The following USP40 variants were observed in gnomAD, a reference collection of about 807,000 sequenced individuals.
USP40 encodes ubiquitin specific peptidase 40, also known as ubiquitin carboxyl-terminal hydrolase 40.
A neutral mutation model predicts 166.2 loss-of-function variants in USP40; 143 were observed. The ratio of observed to expected loss-of-function variants is 0.86; its 90% confidence interval spans 0.75 to 0.99. The LOEUF is 0.99. Ranked by LOEUF, USP40 falls within the 50% of genes least tolerant of loss-of-function variation. The pLI is 0.00. For missense variants in USP40, 1,444 were observed against 1,479.7 expected, an observed-to-expected ratio of 0.98 and a Z score of 0.40; for synonymous variants, 498 against 524.0, an observed-to-expected ratio of 0.95 and a Z score of 0.68.
At position 233,475,966 on chromosome 2, in the gene USP40, GGTTA is replaced by G. The variant is rs2064165386; in HGVS notation, c.*1422_*1425del. ...CACCCAGTGCGAGTCTCCTGAGCGG[GGTTA>G]GTGTTTGGGAGTGGGAGGCAGCTGC... is the stretch of plus-strand genomic sequence containing the variant. On this transcript the variant is annotated 3_prime_UTR_variant, in exon 32 of 32. Transcript: ENST00000678225. 1.3e-5 allele frequency: 2 copies of G among 152,422 alleles called. No individual in the cohort carries two copies. The highest frequency in any genetic ancestry group is 1.3e-4 in the Admixed American group (2 of 15,286). 9.4% of individuals were successfully genotyped at this position (152,422 alleles called of 1,614,324 possible).
intron 11 of USP40, among the ~76,000 whole-genome samples, chr2:233,533,084 A>G (rs1283892783): frequency 1.3e-5 from 2 of 151,286 alleles, no homozygotes; most frequent in Non-Finnish European, 2.9e-5. Flanking sequence ...GAATCAGGAA[A>G]ATAAAGGAGA....
chr2:233,489,294 C>T, intron 27 of USP40, 71 bp downstream of exon 27: 1 of 1,382,670 alleles, frequency 7.2e-7, no homozygotes, highest in South Asian at 1.2e-5. Flanking sequence ...ACTGATTCCT[C>T]CTCCATCCCT....
In USP40 at chr2:233,551,400, A is replaced by C; in HGVS notation, c.813T>G (p.Ile271Met). ...ETSCYTFPLR[I>M]NLKPFCEQSE... ...CCTGTTCACAAAAGGGCTTGAGATT[A>C]ATCCGGAGAGGGAATGTATAACAGC... Residue 271 changes from isoleucine to methionine, a missense_variant, in exon 7 of 32, where the codon ATT becomes ATG. Ile to Met is a conservative substitution (Grantham distance 10). Coordinates refer to ENST00000678225, the MANE Select transcript of USP40 (RefSeq NM_001365479.2). 1.2e-6 allele frequency: 2 copies of C among 1,609,014 alleles called. No homozygotes were observed. Among genetic ancestry groups the C allele is most frequent in the Non-Finnish European group, 1.7e-6 (2 of 1,178,394 alleles).
chr2:233,482,425 T>C (rs1007056604), intron 30 of USP40, among the ~76,000 whole-genome samples: 2 of 151,916 alleles, frequency 1.3e-5, no homozygotes, highest in African/African-American at 4.8e-5. Flanking sequence ...AATGCTTCAG[T>C]GAGCATATCC....
At position 233,549,241 on chromosome 2, in the gene USP40, AAG is replaced by A. The variant is rs2070299611; in HGVS notation, c.838-14_838-13del. 1 of 1,334,646 alleles carries A rather than the reference AAG, an allele frequency of 7.5e-7. No individual in the cohort carries two copies. 82.7% of individuals were successfully genotyped at this position (1,334,646 alleles called of 1,614,324 possible). A position where few individuals can be genotyped will look rare whatever the true frequency, so the allele number is the denominator to read the frequency against. On this transcript the variant is annotated splice_polypyrimidine_tract_variant and intron_variant, in intron 7 of 31. Transcript: ENST00000678225. Reference sequence around the variant, plus strand: ...TCATCCAATTCACTCTAAAAGAAAAAAGAACAAAAATATTGATATAGTTTTCA... The same window carrying A: ...TCATCCAATTCACTCTAAAAGAAAAAAACAAAAATATTGATATAGTTTTCA...
At chr2:233,547,212 T>C (rs755468867) in intron 8 of USP40, among the ~76,000 whole-genome samples, 17 of 152,180 alleles carry the variant, frequency 1.1e-4, no homozygotes, top group African/African-American at 3.1e-4. Context: ...TTTTGGTATA[T>C]AAAATCAACA....
At chr2:233,512,808 C>T (rs1255320092) in intron 18 of USP40, 186 bp from the exon 19 acceptor site, 1 of 317,230 alleles carries the variant, frequency 3.2e-6, no homozygotes, top group Non-Finnish European at 5.7e-6. Flanking sequence ...AACCCCCCAA[C>T]AACCAAAGAA....
At position 233,481,060 on chromosome 2, in the gene USP40, GAGA is replaced by G. The variant is rs2064549715; in HGVS notation, c.3599+140_3599+142del. ...AGGAGAGGAAAGAACGCAGGGGGCG[GAGA>G]AGGACCCGCCACACTGGTGTGCTTT... On this transcript the variant is annotated intron_variant, in intron 31 of 31. Transcript: ENST00000678225. The G allele has an allele frequency of 3.9e-5, 28 of 725,174 alleles. No individual in the cohort carries two copies. In the South Asian group the frequency reaches 5.7e-4, roughly 15 times the overall value. 44.9% of individuals were successfully genotyped at this position (725,174 alleles called of 1,614,324 possible).
chr2:233,551,739 C>G (rs74829412), intron 6 of USP40, among the ~76,000 whole-genome samples: 1,943 of 152,190 alleles, frequency 0.013, 38 homozygotes, highest in East Asian at 0.083. Flanking sequence ...TAATTTACAA[C>G]CCGGTTTTAT....
chr2:233,477,285 G>C lies in USP40; in HGVS notation c.*107C>G. On this transcript the variant is annotated 3_prime_UTR_variant, in exon 32 of 32. Transcript: ENST00000678225. The stretch of plus-strand genomic sequence containing the variant: ...CGTCCCTGTGCTCAAAGGAAGCAGA[G>C]GATTTGGGATTGGAGGCGCCAGGCA... 3.0e-6 allele frequency: 3 copies of C among 997,202 alleles called. No homozygotes were observed. Among genetic ancestry groups the C allele is most frequent in the Non-Finnish European group, 4.6e-6 (3 of 655,902 alleles). 61.8% of individuals were successfully genotyped at this position (997,202 alleles called of 1,614,324 possible).
intron 4 of USP40, among the ~76,000 whole-genome samples, chr2:233,559,136 T>C (rs1027676755): frequency 6.6e-6 from 1 of 152,240 alleles, no homozygotes; most frequent in Non-Finnish European, 1.5e-5. Context: ...TAACAGCTCA[T>C]CAATATGTGC....
At chr2:233,481,388 A>T in intron 30 of USP40, 91 bp from the exon 31 acceptor site, 4 of 1,072,154 alleles carry the variant, frequency 3.7e-6, no homozygotes, top group Non-Finnish European at 4.1e-6. Flanking sequence ...ACCTATATTG[A>T]CAAAAGAACA....
At position 233,496,849 on chromosome 2, in the gene USP40, G is replaced by A. The variant is rs1445918773; in HGVS notation, c.2716-17C>T. On this transcript the variant is annotated splice_polypyrimidine_tract_variant and intron_variant, in intron 23 of 31. Transcript: ENST00000678225. Reference sequence around the variant, plus strand: ...TGTTGCATCCTGGGAAGACAAAAATGCTTTTTTGTCACTTATGACTTCTGA... The same window carrying A: ...TGTTGCATCCTGGGAAGACAAAAATACTTTTTTGTCACTTATGACTTCTGA... 1 of 1,607,738 alleles carries A rather than the reference G, an allele frequency of 6.2e-7. No homozygotes were observed. The highest frequency in any genetic ancestry group is 1.3e-5 in the African/African-American group (1 of 74,826).
intron 7 of USP40, 28 bp from the exon 8 acceptor site, chr2:233,549,257 A>G (rs1320136619): frequency 8.2e-7 from 1 of 1,219,004 alleles, no homozygotes; most frequent in Non-Finnish European, 1.1e-6. Context: ...AAAAATATTG[A>G]TATAGTTTTC....
At chr2:233,552,392 C>T (rs2070659205) in intron 6 of USP40, among the ~76,000 whole-genome samples, 1 of 151,996 alleles carries the variant, frequency 6.6e-6, no homozygotes, top group South Asian at 2.1e-4. Context: ...CAAACATAAA[C>T]TTAGAATGCA....
At chr2:233,549,750 C>T (rs1157756424) in intron 7 of USP40, among the ~76,000 whole-genome samples, 4 of 152,092 alleles carry the variant, frequency 2.6e-5, no homozygotes, top group South Asian at 2.1e-4. Flanking sequence ...CCTGACACTA[C>T]AGTCCTCTGT....
intron 28 of USP40, among the ~76,000 whole-genome samples, chr2:233,487,211 C>T (rs1474902809): frequency 6.6e-6 from 1 of 152,232 alleles, no homozygotes; most frequent in Non-Finnish European, 1.5e-5. Flanking sequence ...CAATCATGCA[C>T]TCACAAAATA....
intron 9 of USP40, among the ~76,000 whole-genome samples, chr2:233,541,707 C>T (rs185613403): frequency 2.6e-5 from 4 of 152,264 alleles, no homozygotes; most frequent in Admixed American, 2.6e-4. Context: ...TGAAAGAAGA[C>T]CTCACATCTT....
At position 233,518,220 on chromosome 2, in the gene USP40, T is replaced by A. The variant is rs542549835; in HGVS notation, c.2383+1394A>T. Among the ~76,000 whole-genome samples the A allele has an allele frequency of 5.4e-3, 681 of 126,010 alleles. 3 individuals are homozygous for A. Among genetic ancestry groups the A allele is most frequent in the Non-Finnish European group, 8.5e-3 (510 of 59,984 alleles). The allele number at this position is 126,010 out of a possible 152,430, so 82.7% of individuals were successfully genotyped here. A position where few individuals can be genotyped will look rare whatever the true frequency, so the allele number is the denominator to read the frequency against. On this transcript the variant is annotated intron_variant, in intron 18 of 31. Transcript: ENST00000678225. ...TGTGCTCAAAATATGTTTTTTTTTT[T>A]AAAAGTCAAAACCAAACCAGTAACA...
Sources: allele counts gnomAD v4.1 joint callset (sites outside exome capture counted in the v4.1 genomes callset), GRCh38; gene constraint gnomAD v4.1.1; transcripts MANE v1.5; gene names NCBI Gene and HGNC (gene_info 2026-07-23, HGNC 2026-07-21).